PRRC2B: variants seen among roughly 807,000 people sequenced by gnomAD.
PRRC2B encodes the protein protein PRRC2B.
PRRC2B carries 68 observed loss-of-function variants against 242.3 expected under a neutral mutation model. The observed-to-expected ratio is 0.28, with a 90% CI of 0.23 to 0.34. The LOEUF (loss-of-function observed/expected upper bound fraction) is 0.34. Ranked by LOEUF, PRRC2B falls within the 10% of genes least tolerant of loss-of-function variation. The pLI is 1.00. For synonymous variants in PRRC2B, 1,228 were observed against 1,173.6 expected, an observed-to-expected ratio of 1.05 and a Z score of -0.95; for missense variants, 2,835 against 2,954.8, an observed-to-expected ratio of 0.96 and a Z score of 0.94.
At chr9:131,410,748 C>T (rs1414495696) in intron 1 of PRRC2B, among the ~76,000 whole-genome samples, 1 of 152,092 alleles carries the variant, frequency 6.6e-6, no homozygotes, top group Non-Finnish European at 1.5e-5. Context: ...TTGTGGACCT[C>T]ACCTGACTGG....
intron 28 of PRRC2B, among the ~76,000 whole-genome samples, chr9:131,488,950 G>T (rs919222489): frequency 6.6e-6 from 1 of 152,102 alleles, no homozygotes; most frequent in East Asian, 1.9e-4. Context: ...TAGTGGTTTT[G>T]ATGTCTGCAG....
Position 131,465,085 on chromosome 9 carries a change from G to A in PRRC2B, c.1720+7G>A. 6.3e-7 allele frequency: 1 copy of A among 1,597,500 alleles called. No individual in the cohort carries two copies. The highest frequency in any genetic ancestry group is 8.5e-7 in the Non-Finnish European group (1 of 1,169,854). ...GGCCCTGCTGTCCACAAAGGTAAGA[G>A]CTGGGCCGTCTTCCCACCAACTGGA... is the stretch of plus-strand genomic sequence containing the variant. On this transcript the variant is annotated splice_region_variant and intron_variant, in intron 12 of 31. Transcript: ENST00000683519.
intron 14 of PRRC2B, 142 bp downstream of exon 14, chr9:131,471,125 A>G: frequency 1.8e-6 from 1 of 568,788 alleles, no homozygotes; most frequent in Non-Finnish European, 3.1e-6. Flanking sequence ...GTTTCAAAGT[A>G]GTCACTTGCA....
Position 131,487,060 on chromosome 9 carries a change from G to A in PRRC2B, c.5857-107G>A. The A allele has an allele frequency of 1.1e-6, 1 of 937,034 alleles. No individual in the cohort carries two copies. Among genetic ancestry groups the A allele is most frequent in the Non-Finnish European group, 1.7e-6 (1 of 598,734 alleles). The allele number at this position is 937,034 out of a possible 1,614,324, so 58.0% of individuals were successfully genotyped here. A position where few individuals can be genotyped will look rare whatever the true frequency, so the allele number is the denominator to read the frequency against. On this transcript the variant is annotated intron_variant, in intron 26 of 31. Transcript: ENST00000683519. The surrounding 1 kb of genome is among the most constrained non-coding windows in gnomAD (Gnocchi z 5.3). The stretch of plus-strand genomic sequence containing the variant: ...ATGACATGCTGGCATTTGAATTTTG[G>A]GCAGTGTTCCAGCAGCCATGTGGAG...
chr9:131,430,816 C>T (rs1366214151), intron 2 of PRRC2B, among the ~76,000 whole-genome samples: 2 of 151,516 alleles, frequency 1.3e-5, no homozygotes, highest in Non-Finnish European at 2.9e-5. Flanking sequence ...TGGTCTCAAA[C>T]TCGTGACCTC....
intron 11 of PRRC2B, among the ~76,000 whole-genome samples, chr9:131,459,697 C>T (rs534791241): frequency 4.6e-5 from 7 of 151,830 alleles, no homozygotes; most frequent in Admixed American, 1.3e-4. Context: ...GCTGCCACAC[C>T]TGGCTCATTT....
Position 131,475,361 on chromosome 9 carries a change from G to C in PRRC2B, c.3232G>C (p.Gly1078Arg). 1 of 1,585,726 alleles carries C rather than the reference G, an allele frequency of 6.3e-7. No individual in the cohort carries two copies. The highest frequency in any genetic ancestry group is 1.4e-5 in the African/African-American group (1 of 73,852). The change falls in exon 16 of 32, where the codon GGT becomes CGT. Residue 1078 changes from glycine to arginine, a missense_variant. Physicochemically the swap from Gly to Arg is moderately radical, Grantham distance 125 (BLOSUM62 -2). Transcript: ENST00000683519. The part of the protein sequence containing the change: ...GRGFREFTFR[G>R]RPAGGNGSGL... Reference sequence around the variant, plus strand: ...TGGTTTCAGAGAGTTCACTTTTCGTGGTCGGCCTGCTGGCGGAAATGGGAG... The same window carrying C: ...TGGTTTCAGAGAGTTCACTTTTCGTCGTCGGCCTGCTGGCGGAAATGGGAG...
rs746478734 is a variant in PRRC2B at position 131,473,537 on chromosome 9, T to G, written c.2137T>G (p.Ser713Ala). Reference protein sequence around the residue: ...GLMKPMMPQESLNGTGCRSED... With the variant: ...GLMKPMMPQEALNGTGCRSED... ...GATGAAGCCCATGATGCCCCAGGAG[T>G]CCCTCAATGGGACAGGCTGTCGCTC... Residue 713 changes from serine to alanine, a missense_variant, in exon 15 of 32, where the codon TCC becomes GCC. This residue lies in a region of PRRC2B where 1,536 missense variants were observed against 1,483.1 expected (regional missense o/e 1.04). Coordinates refer to ENST00000683519, the MANE Select transcript of PRRC2B (RefSeq NM_013318.4). 5 of 1,606,394 alleles carry G rather than the reference T, an allele frequency of 3.1e-6. No homozygotes were observed. The South Asian group carries it at 4.5e-5, about 14-fold the overall frequency.
chr9:131,420,507 T>TCTTTC (rs1564278700), intron 1 of PRRC2B, among the ~76,000 whole-genome samples: 1 of 126,470 alleles, frequency 7.9e-6, no homozygotes, highest in African/African-American at 3.1e-5. Context: ...TTTTTTTTTT[T>TCTTTC]TTTGAGATGG....
chr9:131,476,607 C>G, intron 16 of PRRC2B, 72 bp downstream of exon 16: 1 of 1,378,876 alleles, frequency 7.3e-7, no homozygotes, highest in Non-Finnish European at 9.7e-7. Flanking sequence ...TTCACGCATG[C>G]ATGCCGATGC....
Position 131,474,674 on chromosome 9 carries a change from A to G in PRRC2B, c.2545A>G (p.Asn849Asp). The G allele has an allele frequency of 6.2e-7, 1 of 1,613,528 alleles. No homozygotes were observed. Among genetic ancestry groups the G allele is most frequent in the African/African-American group, 1.3e-5 (1 of 75,060 alleles). Reference sequence around the variant, plus strand: ...AGGTGCTCCTGGGGGTCACACCCAAAACCTCAGGTGTTCCCCATTGGAGCC... The same window carrying G: ...AGGTGCTCCTGGGGGTCACACCCAAGACCTCAGGTGTTCCCCATTGGAGCC... The part of the protein sequence containing the change: ...DAGAPGGHTQ[N>D]LRCSPLEPDF... Residue 849 changes from asparagine to aspartate, a missense_variant, in exon 16 of 32, where the codon AAC becomes GAC. By Grantham distance (23) the Asn-to-Asp change is conservative. This residue lies in a region of PRRC2B where 1,536 missense variants were observed against 1,483.1 expected (regional missense o/e 1.04). Transcript: ENST00000683519.
In PRRC2B at chr9:131,476,072, C is replaced by T. The variant is rs997755690; in HGVS notation, c.3943C>T (p.Arg1315Cys). The T allele has an allele frequency of 1.9e-6, 3 of 1,606,926 alleles. No homozygotes were observed. The highest frequency in any genetic ancestry group is 2.6e-6 in the Non-Finnish European group (3 of 1,175,564). The change falls in exon 16 of 32, where the codon CGC becomes TGC. Residue 1315 changes from arginine (R) to cysteine (C), a missense_variant. This residue lies in a region of PRRC2B where 1,536 missense variants were observed against 1,483.1 expected (regional missense o/e 1.04). Coordinates refer to ENST00000683519, the MANE Select transcript of PRRC2B (RefSeq NM_013318.4). ...PRQDKPPRFR[R>C]LRQERESLGL... is the part of the protein sequence containing the mutation. ...CCAAGATAAGCCCCCTCGATTCCGGCGCCTCCGGCAAGAGCGGGAGTCCCT... is the reference window on the plus strand; with the variant it reads ...CCAAGATAAGCCCCCTCGATTCCGGTGCCTCCGGCAAGAGCGGGAGTCCCT...
rs188857918 is a variant in PRRC2B at position 131,387,448 on chromosome 9, C to T, written c.-56+13717C>T. On this transcript the variant is annotated intron_variant, in intron 1 of 1. Coordinates refer to the PRRC2B transcript ENST00000682525. ...TTTGGCAACACCCTCACAGACACAC[C>T]CAGGATTAATACTTTATATCTTTCA... is the stretch of plus-strand genomic sequence containing the variant. Among the ~76,000 whole-genome samples, 2 of 150,226 alleles carry T rather than the reference C, an allele frequency of 1.3e-5. 1 individual carries two copies. Among genetic ancestry groups the T allele is most frequent in the Admixed American group, 1.4e-4 (2 of 14,452 alleles).
At chr9:131,479,175 C>A in intron 18 of PRRC2B, 77 bp from the exon 19 acceptor site, 4 of 1,471,184 alleles carry the variant, frequency 2.7e-6, no homozygotes, top group South Asian at 2.4e-5. Flanking sequence ...TTTTTGGTAC[C>A]TGGGATACTT....
upstream of PRRC2B, among the ~76,000 whole-genome samples, chr9:131,391,770 T>C (rs1248644371): frequency 6.6e-6 from 1 of 152,156 alleles, no homozygotes; most frequent in African/African-American, 2.4e-5. Context: ...AGACAGAGTC[T>C]CTCTCTGTTG....
intron 1 of PRRC2B, among the ~76,000 whole-genome samples, chr9:131,406,393 G>A (rs1053915019): frequency 1.6e-4 from 24 of 152,144 alleles, no homozygotes; most frequent in Admixed American, 1.4e-3. Flanking sequence ...CTGTTGTGTT[G>A]TGTTCTTGGG....
intron 22 of PRRC2B, 69 bp from the exon 23 acceptor site, chr9:131,483,290 T>C (rs2131465199): frequency 7.1e-7 from 1 of 1,407,476 alleles, no homozygotes; most frequent in Non-Finnish European, 1.0e-6. Context: ...ATCACGTTAA[T>C]GTATGCCTCT....
rs962163704 is a variant in PRRC2B, at chr9:131,411,186, G to C, written c.-52+16923G>C. The stretch of plus-strand genomic sequence containing the variant: ...GCAGGAGAATCGCCTGAACCCGGGA[G>C]GTGGAGATTGCAGTGAGCCGAGATC... On this transcript the variant is annotated intron_variant, in intron 1 of 31. Transcript: ENST00000683519. 3.3e-5 allele frequency among the ~76,000 whole-genome samples: 5 copies of C among 151,836 alleles called. 1 individual carries two copies. The South Asian group carries it at 1.0e-3, about 32-fold the overall frequency.
intron 10 of PRRC2B, among the ~76,000 whole-genome samples, chr9:131,456,435 T>G (rs1056002662): frequency 2.0e-5 from 3 of 151,622 alleles, no homozygotes; most frequent in Non-Finnish European, 4.4e-5. Flanking sequence ...ATCGAGACCA[T>G]CCTGGCTAAC....
Sources: allele counts gnomAD v4.1 joint callset (sites outside exome capture counted in the v4.1 genomes callset), GRCh38; gene constraint gnomAD v4.1.1; regional missense constraint gnomAD v4.1.1; non-coding constraint Gnocchi (gnomAD v3.1); transcripts MANE v1.5; gene names NCBI Gene and HGNC (gene_info 2026-07-23, HGNC 2026-07-21).